The following FN1 variants were observed in gnomAD, a reference collection of about 807,000 sequenced individuals.
FN1 encodes fibronectin.
A neutral mutation model predicts 297.3 loss-of-function variants in FN1; 106 were observed. That is an observed-to-expected ratio of 0.36 (90% CI 0.30 to 0.42). FN1 has a LOEUF of 0.42. Among genes scored for constraint, FN1 ranks in the 10% least tolerant of loss-of-function variants. FN1 has a pLI of 1.00. For missense variants in FN1, 2,690 were observed against 3,124.9 expected (o/e 0.86, Z 3.32); for synonymous variants, 1,149 against 1,152.6 (o/e 1.00, Z 0.06).
intron 42 of FN1, 187 bp downstream of exon 42, chr2:215,367,676 C>T (rs1315164990): frequency 4.6e-6 from 3 of 653,864 alleles, no homozygotes; most frequent in Non-Finnish European, 8.2e-6. Context: ...GAAGCAATGT[C>T]CAACAAGTAA....
chr2:215,361,925 C>T (rs1201530288), intron 45 of FN1, 44 bp downstream of exon 45: 4 of 1,598,290 alleles, frequency 2.5e-6, no homozygotes, highest in South Asian at 1.1e-5. Context: ...TAGAAAGAGA[C>T]TGTCTAGTAT....
intron 18 of FN1, 44 bp from the exon 19 acceptor site, chr2:215,406,554 G>T: frequency 6.2e-7 from 1 of 1,601,496 alleles, no homozygotes; most frequent in Non-Finnish European, 8.5e-7. Flanking sequence ...CTCTGCTGAA[G>T]ATTACTTTTA....
At chr2:215,374,608 G>C (rs1384173395) in intron 38 of FN1, among the ~76,000 whole-genome samples, 1 of 152,236 alleles carries the variant, frequency 6.6e-6, no homozygotes, top group African/African-American at 2.4e-5. Context: ...CAGCCATGCG[G>C]AACTGTGAGT....
At chr2:215,399,108 G>T (rs2106166347) in intron 21 of FN1, 149 bp downstream of exon 21, 1 of 700,746 alleles carries the variant, frequency 1.4e-6, no homozygotes, top group African/African-American at 1.7e-5. Context: ...AGGACTGTTA[G>T]GCCCTGACAA....
chr2:215,365,058 C>A lies in FN1; in HGVS notation c.7145-73G>T. ...TGCAGACTTGATCTAGGGGTGGGTTCTATTTCTGTCCTAAATTTGTATCAT... is the reference window on the plus strand; with the variant it reads ...TGCAGACTTGATCTAGGGGTGGGTTATATTTCTGTCCTAAATTTGTATCAT... On this transcript the variant is annotated intron_variant, in intron 43 of 45. Coordinates refer to ENST00000354785, the MANE Select transcript of FN1 (RefSeq NM_212482.4). 1.7e-5 allele frequency: 16 copies of A among 948,016 alleles called. No individual in the cohort carries two copies. The South Asian group carries it at 2.2e-4, about 13-fold the overall frequency. The allele number at this position is 948,016 out of a possible 1,614,324, so 58.7% of individuals were successfully genotyped here.
intron 40 of FN1, among the ~76,000 whole-genome samples, chr2:215,370,938 C>T (rs541987088): frequency 1.3e-5 from 2 of 152,234 alleles, no homozygotes; most frequent in East Asian, 3.9e-4. Context: ...TTAAATTCTG[C>T]CACTTTCTAA....
chr2:215,409,463 C>A, intron 15 of FN1, 100 bp downstream of exon 15: 3 of 1,140,834 alleles, frequency 2.6e-6, no homozygotes, highest in Non-Finnish European at 4.0e-6. Context: ...TCAACCAGTT[C>A]CAAACCACAG....
In FN1 at chr2:215,384,932, T is replaced by C. The variant is rs531003238; in HGVS notation, c.4657A>G (p.Thr1553Ala). Residue 1553 changes from threonine (T) to alanine (A), a missense_variant, in exon 29 of 46, where the codon ACC (threonine) becomes GCC (alanine). Thr to Ala is a moderately conservative substitution (Grantham distance 58). Transcript: ENST00000354785. ...GCATCCCAGCTGATCAGTAGGCTGG[T>C]GGGGGTCGCAGCAACAACTTCCAGG... Reference protein sequence around the residue: ...RDLEVVAATPTSLLISWDAPA... With the variant: ...RDLEVVAATPASLLISWDAPA... The C allele has an allele frequency of 6.2e-7, 1 of 1,613,894 alleles. No individual in the cohort carries two copies. The highest frequency in any genetic ancestry group is 1.1e-5 in the South Asian group (1 of 91,060).
chr2:215,430,924 AG>A, intron 4 of FN1, 72 bp from the exon 5 acceptor site: 1 of 1,555,524 alleles, frequency 6.4e-7, no homozygotes, highest in Non-Finnish European at 8.8e-7. Context: ...TGTAATTTAA[AG>A]TGTAGTGTGT....
At chr2:215,384,343 A>G (rs1015701330) in intron 29 of FN1, 159 bp from the exon 30 acceptor site, 2 of 685,122 alleles carry the variant, frequency 2.9e-6, no homozygotes, top group East Asian at 5.5e-5. Context: ...GTATTTATGC[A>G]TGTAGCAAAC....
Position 215,386,916 on chromosome 2 carries a change from G to T in FN1, c.4385C>A (p.Ala1462Asp). The T allele has an allele frequency of 6.2e-7, 1 of 1,613,210 alleles. No homozygotes were observed. The highest frequency in any genetic ancestry group is 1.1e-5 in the South Asian group (1 of 90,898). The change falls in exon 28 of 46, where the codon GCC (alanine) becomes GAC (aspartate). Residue 1462 changes from alanine to aspartate, a missense_variant. Transcript: ENST00000354785. The stretch of plus-strand genomic sequence containing the variant: ...AATCCAGTGCACAGTAAAAGAGTTG[G>T]CAGTAATATCAGAAAAGTCAATGCC... ...PTGIDFSDIT[A>D]NSFTVHWIAP...
chr2:215,435,608 G>A, intron 1 of FN1, 47 bp downstream of exon 1: 1 of 1,611,246 alleles, frequency 6.2e-7, no homozygotes, highest in South Asian at 1.1e-5. Flanking sequence ...TCGGCTTTAG[G>A]GTCCCATCCC....
At chr2:215,426,867 T>A (rs2065539577) in intron 6 of FN1, among the ~76,000 whole-genome samples, 1 of 152,070 alleles carries the variant, frequency 6.6e-6, no homozygotes, top group African/African-American at 2.4e-5. Flanking sequence ...ATAATTTTTT[T>A]TATTTTTTAT....
In FN1 at chr2:215,400,478, G is replaced by A. The variant is rs185456326; in HGVS notation, c.3254-1127C>T. On this transcript the variant is annotated intron_variant, in intron 20 of 45. Coordinates refer to ENST00000354785, the MANE Select transcript of FN1 (RefSeq NM_212482.4). ...ATTGAAAATATTACTTTGGCCAGGC[G>A]CAGTGGCTCATGCCTGTAATCCCAG... is the stretch of plus-strand genomic sequence containing the variant. Among the ~76,000 whole-genome samples, 227 of 151,174 alleles carry A rather than the reference G, an allele frequency of 1.5e-3. 5 individuals carry two copies. Among genetic ancestry groups the A allele is most frequent in the Admixed American group, 0.013 (191 of 15,224 alleles).
At position 215,373,962 on chromosome 2, in the gene FN1, G is replaced by A. The variant is rs192213167; in HGVS notation, c.6158-551C>T. On this transcript the variant is annotated intron_variant, in intron 38 of 45. Coordinates refer to ENST00000354785, the MANE Select transcript of FN1 (RefSeq NM_212482.4). ...CTCCCAAAGTGCTGGGATTACAGGC[G>A]TGAGCCACCGCGCCTGGCCTTTCCA... is the stretch of plus-strand genomic sequence containing the variant. Among the ~76,000 whole-genome samples the A allele has an allele frequency of 7.0e-3, 1,062 of 152,104 alleles. 12 individuals carry two copies. Among genetic ancestry groups the A allele is most frequent in the South Asian group, 0.016 (75 of 4,820 alleles).
rs1367047448 is a variant in FN1 at position 215,399,327 on chromosome 2, G to A, written c.3278C>T (p.Pro1093Leu). 1 of 1,613,690 alleles carries A rather than the reference G, an allele frequency of 6.2e-7. No homozygotes were observed. Among genetic ancestry groups the A allele is most frequent in the Non-Finnish European group, 8.5e-7 (1 of 1,179,616 alleles). ...GGTCTCAGTCACCTCGGTGTTGTAA[G>A]GTGGAATAGAGCTCCCAGGCTGCAC... ...TTLQPGSSIP[P>L]YNTEVTETTI... Residue 1093 changes from proline to leucine, a missense_variant, in exon 21 of 46, where the codon CCT (proline) becomes CTT (leucine). Physicochemically the swap from Pro to Leu is moderately conservative, Grantham distance 98. Transcript: ENST00000354785.
intron 33 of FN1, chr2:215,380,224 G>A (rs1298026856): frequency 6.4e-6 from 1 of 155,296 alleles, no homozygotes; most frequent in East Asian, 1.9e-4. Flanking sequence ...TCACCTCTAG[G>A]GTTTATGCTG....
intron 29 of FN1, 59 bp from the exon 30 acceptor site, chr2:215,384,243 G>T: frequency 2.0e-6 from 3 of 1,496,108 alleles, no homozygotes; most frequent in South Asian, 1.1e-5. Context: ...GGGTATTACT[G>T]ATTAATTGAA....
At chr2:215,383,222 G>A (rs1449572346) in intron 31 of FN1, 106 bp downstream of exon 31, 2 of 1,108,848 alleles carry the variant, frequency 1.8e-6, no homozygotes, top group African/African-American at 3.1e-5. Flanking sequence ...TGGCCAGGCT[G>A]GTCTCGAACT....
Sources: allele counts gnomAD v4.1 joint callset (sites outside exome capture counted in the v4.1 genomes callset), GRCh38; gene constraint gnomAD v4.1.1; transcripts MANE v1.5; gene names NCBI Gene and HGNC (gene_info 2026-07-23, HGNC 2026-07-21).